Variants in RBPMS observed in about 807,000 individuals in gnomAD.
The protein encoded by RBPMS is RNA binding protein, mRNA processing factor.
RBPMS carries 7 observed loss-of-function variants against 26.8 expected under a neutral mutation model. The ratio of observed to expected loss-of-function variants is 0.26; its 90% CI spans 0.15 to 0.49. The LOEUF (loss-of-function observed/expected upper bound fraction) is 0.49, where lower values mean the gene tolerates loss of function less well. Among genes scored for constraint, RBPMS ranks in the 20% least tolerant of loss-of-function variants. RBPMS has a pLI of 0.98. For missense variants in RBPMS, 186 were observed against 250.0 expected (o/e 0.74, Z 1.73); for synonymous variants, 96 against 93.3 (o/e 1.03, Z -0.17).
In RBPMS at chr8:30,529,264, AT is replaced by A. The variant is rs375997997; in HGVS notation, c.398-15222del. Reference sequence around the variant, plus strand: ...AAAATATATATGACATAAACCTGCCATTTTTTTTAGTGTACAATTCAGTGAC... The same window carrying A: ...AAAATATATATGACATAAACCTGCCATTTTTTTAGTGTACAATTCAGTGAC... On this transcript the variant is annotated intron_variant, in intron 5 of 8. Transcript: ENST00000397323. Among the ~76,000 whole-genome samples, 10 of 151,840 alleles carry A rather than the reference AT, an allele frequency of 6.6e-5. No homozygotes were observed. In the South Asian group the frequency reaches 1.3e-3, roughly 19 times the overall value.
intron 5 of RBPMS, among the ~76,000 whole-genome samples, chr8:30,539,863 T>G (rs1021067326): frequency 6.6e-6 from 1 of 152,134 alleles, no homozygotes; most frequent in African/African-American, 2.4e-5. Flanking sequence ...AGACCTCAAG[T>G]GATCCACCCA....
At chr8:30,556,790 C>T (rs1826961878) in intron 6 of RBPMS, 5 of 985,888 alleles carry the variant, frequency 5.1e-6, no homozygotes, top group South Asian at 4.7e-5. Flanking sequence ...GGCCATGAGC[C>T]GTGGGTAGGT....
chr8:30,557,001 T>C (rs891380284), intron 6 of RBPMS, among the ~76,000 whole-genome samples: 12 of 152,164 alleles, frequency 7.9e-5, no homozygotes, highest in African/African-American at 2.4e-4. Flanking sequence ...GTCCCTGTAA[T>C]TGCAATGAGT....
intron 4 of RBPMS, among the ~76,000 whole-genome samples, chr8:30,496,349 T>C (rs966024360): frequency 6.6e-6 from 1 of 152,122 alleles, no homozygotes; most frequent in Non-Finnish European, 1.5e-5. Context: ...TTTGTATTTT[T>C]AGTAGAGCGG....
intron 6 of RBPMS, chr8:30,545,053 C>T (rs927286607): frequency 8.7e-5 from 121 of 1,396,830 alleles, no homozygotes; most frequent in Non-Finnish European, 1.0e-4. Flanking sequence ...TTTCCACTCT[C>T]GTGTACGGTG....
At chr8:30,490,410 T>C (rs1364469054) in intron 4 of RBPMS, among the ~76,000 whole-genome samples, 5 of 152,192 alleles carry the variant, frequency 3.3e-5, no homozygotes, top group African/African-American at 4.8e-5. Context: ...GATTATAATG[T>C]TTCTTTAGCA....
At chr8:30,413,389 C>A (rs1307415635) in intron 1 of RBPMS, among the ~76,000 whole-genome samples, 1 of 151,860 alleles carries the variant, frequency 6.6e-6, no homozygotes, top group South Asian at 2.1e-4. Context: ...TCGAATTGAT[C>A]CCTATTTCTC....
intron 1 of RBPMS, among the ~76,000 whole-genome samples, chr8:30,420,180 A>G (rs1036588850): frequency 3.9e-5 from 6 of 151,944 alleles, no homozygotes; most frequent in African/African-American, 1.5e-4. Context: ...GTGGGCCGTG[A>G]TCACACCACT....
At chr8:30,522,392 C>A (rs1201574356) in intron 5 of RBPMS, among the ~76,000 whole-genome samples, 1 of 151,776 alleles carries the variant, frequency 6.6e-6, no homozygotes, top group East Asian at 1.9e-4. Flanking sequence ...CCAGTGATCT[C>A]AACATTTGGA....
chr8:30,560,844 T>G (rs1585892551), intron 7 of RBPMS, among the ~76,000 whole-genome samples: 2 of 152,168 alleles, frequency 1.3e-5, no homozygotes, highest in East Asian at 3.9e-4. Context: ...AACCATATCC[T>G]AACCTCTTAG....
intron 4 of RBPMS, 67 bp downstream of exon 4, chr8:30,479,444 TG>T (rs1252923516): frequency 1.7e-6 from 2 of 1,152,220 alleles, no homozygotes; most frequent in East Asian, 4.7e-5. Flanking sequence ...GGAATCTCTT[TG>T]GACGGGAAAT....
Position 30,504,434 on chromosome 8 carries a change from C to A in RBPMS, c.395C>A (p.Pro132Gln). The change falls in exon 5 of 9, where the codon CCA becomes CAA. Residue 132 changes from proline (P) to glutamine (Q), a missense_variant and splice_region_variant. Pro to Gln is a moderately conservative substitution (Grantham distance 76, BLOSUM62 -1). Coordinates refer to ENST00000397323, the MANE Select transcript of RBPMS (RefSeq NM_001008710.3). The stretch of plus-strand genomic sequence containing the variant: ...GTACCTCAGTTCATTGCCAGAGAGC[C>A]ATGTAAGTCGATCTACTTTTCATTC... ...NTVPQFIAREPYELTVPALYP... is the reference protein window; with the variant it reads ...NTVPQFIAREQYELTVPALYP... 1 of 1,613,802 alleles carries A rather than the reference C, an allele frequency of 6.2e-7. No homozygotes were observed. The highest frequency in any genetic ancestry group is 8.5e-7 in the Non-Finnish European group (1 of 1,179,724).
chr8:30,491,444 G>A (rs1563370275), intron 4 of RBPMS, among the ~76,000 whole-genome samples: 1 of 152,052 alleles, frequency 6.6e-6, no homozygotes, highest in Non-Finnish European at 1.5e-5. Context: ...ACTTGGTTGG[G>A]CACACACAGG....
chr8:30,429,003 C>T (rs539821270), intron 1 of RBPMS, among the ~76,000 whole-genome samples: 15 of 152,132 alleles, frequency 9.9e-5, no homozygotes, highest in Non-Finnish European at 2.1e-4. Context: ...GCTTCTAAGA[C>T]ACATCAAAGG....
chr8:30,547,447 C>T, intron 6 of RBPMS: 3 of 1,577,760 alleles, frequency 1.9e-6, no homozygotes, highest in Non-Finnish European at 2.6e-6. Context: ...CTATTTTCCC[C>T]CCTTTCACAA....
intron 4 of RBPMS, among the ~76,000 whole-genome samples, chr8:30,487,739 A>T (rs556221480): frequency 1.3e-5 from 2 of 152,000 alleles, no homozygotes; most frequent in African/African-American, 4.8e-5. Context: ...ACCAAATTTT[A>T]GTGAACATTA....
intron 5 of RBPMS, among the ~76,000 whole-genome samples, chr8:30,539,752 A>G (rs1035976076): frequency 4.6e-5 from 7 of 151,740 alleles, no homozygotes; most frequent in African/African-American, 1.2e-4. Context: ...CAGCCTCCCA[A>G]TTAGCTGGGA....
intron 1 of RBPMS, among the ~76,000 whole-genome samples, chr8:30,388,472 T>C (rs971440581): frequency 6.5e-4 from 75 of 114,542 alleles, no homozygotes; most frequent in Admixed American, 2.6e-3. Context: ...TTATAACTTA[T>C]AGCTATAGCT....
chr8:30,505,405 A>G (rs1820978384), intron 5 of RBPMS, among the ~76,000 whole-genome samples: 1 of 152,170 alleles, frequency 6.6e-6, no homozygotes, highest in South Asian at 2.1e-4. Flanking sequence ...TGTCATGTGC[A>G]TGTCAGATTT....
Sources: gnomAD v4.1 joint callset for allele counts (sites outside exome capture counted in the v4.1 genomes callset) on GRCh38, gnomAD v4.1.1 for gene constraint, MANE v1.5 for transcripts, NCBI Gene and HGNC (gene_info 2026-07-23, HGNC 2026-07-21) for gene names.